GSTCD: variants seen among roughly 807,000 people sequenced by gnomAD.
The protein encoded by GSTCD is glutathione S-transferase C-terminal domain-containing protein.
A neutral mutation model predicts 68.3 loss-of-function variants in GSTCD; 44 were observed. The observed-to-expected ratio is 0.64, with a 90% confidence interval of 0.51 to 0.83. GSTCD has a LOEUF of 0.83. Among genes scored for constraint, GSTCD ranks in the 40% least tolerant of loss-of-function variants. The pLI is 0.00. For synonymous variants in GSTCD, 273 were observed against 255.2 expected (o/e 1.07, Z -0.67); for missense variants, 739 against 735.9 (o/e 1.00, Z -0.05).
intron 1 of GSTCD, among the ~76,000 whole-genome samples, chr4:105,712,198 A>G (rs1454114102): frequency 2.0e-5 from 3 of 152,202 alleles, no homozygotes; most frequent in Admixed American, 2.0e-4. Flanking sequence ...AGCTATGAAG[A>G]AAAAGGGAAG....
chr4:105,720,103 T>C (rs750232216), intron 3 of GSTCD, among the ~76,000 whole-genome samples: 1 of 152,224 alleles, frequency 6.6e-6, no homozygotes, highest in Non-Finnish European at 1.5e-5. Flanking sequence ...GCTCTGTTAT[T>C]ATGTGCTGGG....
At chr4:105,787,669 T>G (rs544275497) in intron 5 of GSTCD, among the ~76,000 whole-genome samples, 2 of 151,872 alleles carry the variant, frequency 1.3e-5, no homozygotes, top group South Asian at 4.2e-4. Flanking sequence ...AAATTCAGAG[T>G]CAGGAAAATT....
At chr4:105,757,525 C>A (rs1413602272) in intron 5 of GSTCD, among the ~76,000 whole-genome samples, 2 of 152,134 alleles carry the variant, frequency 1.3e-5, no homozygotes, top group Non-Finnish European at 2.9e-5. Context: ...ACTCTGAAAT[C>A]AAAGATTTTA....
intron 5 of GSTCD, among the ~76,000 whole-genome samples, chr4:105,747,394 G>C (rs1733842267): frequency 1.3e-5 from 2 of 152,182 alleles, no homozygotes; most frequent in South Asian, 4.1e-4. Flanking sequence ...TTACAGGTCT[G>C]GGGTAGAGCC....
At chr4:105,756,754 G>A (rs1240576536) in intron 5 of GSTCD, among the ~76,000 whole-genome samples, 2 of 152,034 alleles carry the variant, frequency 1.3e-5, no homozygotes, top group Admixed American at 1.3e-4. Context: ...ATCTGACAGA[G>A]TAATTGTGGA....
intron 5 of GSTCD, among the ~76,000 whole-genome samples, chr4:105,767,446 T>G (rs936273315): frequency 6.6e-6 from 1 of 152,002 alleles, no homozygotes; most frequent in Non-Finnish European, 1.5e-5. Context: ...TAAAAAAATC[T>G]TGTTGCTTCA....
At chr4:105,787,454 C>T (rs1735507431) in intron 5 of GSTCD, among the ~76,000 whole-genome samples, 1 of 151,880 alleles carries the variant, frequency 6.6e-6, no homozygotes, top group African/African-American at 2.4e-5. Context: ...ATCAATAGGC[C>T]AAGAATTGGC....
chr4:105,791,220 C>T lies in GSTCD; in HGVS notation c.1241-31734C>T, dbSNP rs183912163. ...CATTCTGGCTAACACAGTGAAACCC[C>T]GTCTCTACTAAAAATACAAAAAATT... On this transcript the variant is annotated intron_variant, in intron 5 of 11. Transcript: ENST00000515279. 7.0e-3 allele frequency among the ~76,000 whole-genome samples: 1,060 copies of T among 151,724 alleles called. 27 individuals are homozygous for T. The highest frequency in any genetic ancestry group is 0.024 in the African/African-American group (998 of 41,242).
chr4:105,843,185 T>C (rs952037636), intron 11 of GSTCD, among the ~76,000 whole-genome samples: 9 of 152,174 alleles, frequency 5.9e-5, no homozygotes, highest in Non-Finnish European at 1.0e-4. Context: ...AAAGGCAGCA[T>C]AGCAAGATGC....
At chr4:105,818,424 C>A (rs573321075) in intron 5 of GSTCD, among the ~76,000 whole-genome samples, 1 of 151,812 alleles carries the variant, frequency 6.6e-6, no homozygotes, top group African/African-American at 2.4e-5. Context: ...GGAACTAATT[C>A]ATAAGGTGTG....
At chr4:105,773,841 G>A (rs1352530521) in intron 5 of GSTCD, among the ~76,000 whole-genome samples, 1 of 152,130 alleles carries the variant, frequency 6.6e-6, no homozygotes, top group African/African-American at 2.4e-5. Context: ...GTTGATTTGG[G>A]GTGGAGAGTT....
intron 8 of GSTCD, among the ~76,000 whole-genome samples, chr4:105,828,603 G>C (rs1369048058): frequency 6.6e-6 from 1 of 152,118 alleles, no homozygotes; most frequent in Non-Finnish European, 1.5e-5. Context: ...TCTGTAACTT[G>C]AATCACAATA....
chr4:105,726,550 A>G (rs976650074), intron 3 of GSTCD, 29 bp from the exon 4 acceptor site: 2 of 1,422,474 alleles, frequency 1.4e-6, no homozygotes, highest in Non-Finnish European at 1.9e-6. Flanking sequence ...AATATATATA[A>G]TAATGTGTTT....
chr4:105,732,537 T>C (rs762137952), intron 5 of GSTCD, among the ~76,000 whole-genome samples: 1 of 152,210 alleles, frequency 6.6e-6, no homozygotes, highest in Non-Finnish European at 1.5e-5. Context: ...GGTGGTGATA[T>C]CACCTTTATC....
At chr4:105,826,695 C>G (rs1271905353) in intron 8 of GSTCD, among the ~76,000 whole-genome samples, 4 of 152,004 alleles carry the variant, frequency 2.6e-5, no homozygotes, top group African/African-American at 9.7e-5. Context: ...ACTTTTTAAT[C>G]ATACTTTTTT....
At chr4:105,780,508 A>C (rs1397357563) in intron 5 of GSTCD, among the ~76,000 whole-genome samples, 1 of 152,218 alleles carries the variant, frequency 6.6e-6, no homozygotes, top group Non-Finnish European at 1.5e-5. Context: ...CCATATAAGA[A>C]CTGACTGAAC....
At chr4:105,715,877 T>G (rs1026250915) in intron 1 of GSTCD, among the ~76,000 whole-genome samples, 2 of 152,070 alleles carry the variant, frequency 1.3e-5, no homozygotes, top group African/African-American at 4.8e-5. Context: ...AAGAGTGCCA[T>G]CTAGTGTCAG....
intron 5 of GSTCD, among the ~76,000 whole-genome samples, chr4:105,751,710 G>A (rs957467085): frequency 6.7e-6 from 1 of 148,696 alleles, no homozygotes; most frequent in African/African-American, 2.6e-5. Flanking sequence ...ATGTTATGGT[G>A]TTATAGATGT....
intron 11 of GSTCD, among the ~76,000 whole-genome samples, chr4:105,843,204 GGAGACCT>G (rs947847011): frequency 2.2e-4 from 33 of 152,100 alleles, no homozygotes; most frequent in Admixed American, 2.1e-3. Flanking sequence ...GCTCACACTT[GGAGACCT>G]GAGACCTGAG....
Sources: allele counts gnomAD v4.1 joint callset (sites outside exome capture counted in the v4.1 genomes callset), GRCh38; gene constraint gnomAD v4.1.1; transcripts MANE v1.5; gene names NCBI Gene and HGNC (gene_info 2026-07-23, HGNC 2026-07-21).